Variants in ZFAND4 observed in about 807,000 individuals in gnomAD.
The protein encoded by ZFAND4 is zinc finger AN1-type containing 4.
In ZFAND4, 43 loss-of-function variants were observed where a neutral mutation model predicts 64.4. The observed-to-expected ratio is 0.67, with a 90% CI of 0.52 to 0.86. ZFAND4 has a LOEUF of 0.86. Ranked by LOEUF, ZFAND4 falls within the 40% of genes least tolerant of loss-of-function variation. The pLI is 0.00. For synonymous variants in ZFAND4, 296 were observed against 305.7 expected, an observed-to-expected ratio of 0.97 and a Z score of 0.33; for missense variants, 929 against 859.8, an observed-to-expected ratio of 1.08 and a Z score of -1.01.
At chr10:45,624,684 T>C (rs1384904147) in intron 7 of ZFAND4, 47 bp from the exon 8 acceptor site, 1 of 1,478,880 alleles carries the variant, frequency 6.8e-7, no homozygotes, top group East Asian at 2.3e-5. Context: ...CAATGAAGAA[T>C]AGAAATGATC....
chr10:45,663,080 GTAAGCCAAAGACT>G, intron 2 of ZFAND4, among the ~76,000 whole-genome samples: 2 of 150,082 alleles, frequency 1.3e-5, no homozygotes, highest in East Asian at 3.9e-4. Context: ...ATACGTAAAT[GTAAGCCAAAGACT>G]CTTTTCGGAA....
rs144467658 is a variant in ZFAND4, at chr10:45,660,085, C to T, written c.184+3457G>A. ...GCTGAGGCAGGAGAATGGCGTGAAC[C>T]CAGGAGGCAGAGCTTGCAGTGAGCC... is the stretch of plus-strand genomic sequence containing the variant. On this transcript the variant is annotated intron_variant, in intron 2 of 9. Transcript: ENST00000344646. Among the ~76,000 whole-genome samples the T allele has an allele frequency of 8.7e-3, 1,321 of 151,056 alleles. 25 individuals are homozygous for T. The highest frequency in any genetic ancestry group is 0.031 in the African/African-American group (1,259 of 41,098).
intron 4 of ZFAND4, chr10:45,651,303 G>C: frequency 4.5e-6 from 1 of 220,824 alleles, no homozygotes; most frequent in Non-Finnish European, 9.4e-6. Flanking sequence ...TCTTTTTCGA[G>C]GGCCCTTCCT....
intron 4 of ZFAND4, chr10:45,651,700 T>G: frequency 1.8e-6 from 1 of 554,624 alleles, no homozygotes; most frequent in Non-Finnish European, 3.5e-6. Context: ...AGTATGTCAT[T>G]CCATTTCTGT....
At chr10:45,640,889 C>A (rs1475133484) in intron 5 of ZFAND4, among the ~76,000 whole-genome samples, 1 of 152,120 alleles carries the variant, frequency 6.6e-6, no homozygotes, top group East Asian at 1.9e-4. Flanking sequence ...AAAAACACAT[C>A]CAGTCAAGTC....
At chr10:45,653,404 A>T (rs1280528440) in intron 2 of ZFAND4, among the ~76,000 whole-genome samples, 1 of 152,236 alleles carries the variant, frequency 6.6e-6, no homozygotes, top group Non-Finnish European at 1.5e-5. Context: ...GAATGGGAGA[A>T]CATATTCACA....
At chr10:45,663,516 T>A in intron 2 of ZFAND4, 26 bp downstream of exon 2, 1 of 1,536,224 alleles carries the variant, frequency 6.5e-7, no homozygotes, top group Non-Finnish European at 8.8e-7. Flanking sequence ...AATTTTCATA[T>A]CCTAAAAACA....
intron 4 of ZFAND4, among the ~76,000 whole-genome samples, 154 bp from the exon 5 acceptor site, chr10:45,648,688 A>G (rs76232026): frequency 0.06 from 9,100 of 152,268 alleles, 394 homozygotes; most frequent in African/African-American, 0.12. Flanking sequence ...TCTTTCTACA[A>G]TTAATATAGC....
chr10:45,642,179 CTGTGGCATTTTAAGTATCTTTACTGAA>C (rs2047046551), intron 5 of ZFAND4, among the ~76,000 whole-genome samples: 1 of 152,190 alleles, frequency 6.6e-6, no homozygotes, highest in Non-Finnish European at 1.5e-5. Context: ...CTGAGTTACT[CTGTGGCATTTTAAGTATCTTTACTGAA>C]TACTGAAAGA....
At chr10:45,653,260 T>C (rs1478491956) in intron 2 of ZFAND4, among the ~76,000 whole-genome samples, 4 of 152,172 alleles carry the variant, frequency 2.6e-5, no homozygotes, top group Admixed American at 1.3e-4. Flanking sequence ...CCATTCACTG[T>C]AGAAAAGAAC....
chr10:45,626,453 G>A lies in ZFAND4; in HGVS notation c.1370C>T (p.Ser457Leu). 3.7e-6 allele frequency: 6 copies of A among 1,613,608 alleles called. No individual in the cohort carries two copies. Among genetic ancestry groups the A allele is most frequent in the Non-Finnish European group, 5.1e-6 (6 of 1,180,030 alleles). Residue 457 changes from serine to leucine, a missense_variant, in exon 7 of 10, where the codon TCA becomes TTA. By Grantham distance (145) the Ser-to-Leu change is moderately radical. Coordinates refer to ENST00000344646, the MANE Select transcript of ZFAND4 (RefSeq NM_174890.4). ...GVLNGESVETSVLNYRELSPH... is the reference protein window; with the variant it reads ...GVLNGESVETLVLNYRELSPH... ...ACTTAATTCCCGGTAGTTAAGAACT[G>A]AAGTCTCTACTGATTCCCCATTCAG...
chr10:45,657,693 C>T (rs976104960), intron 2 of ZFAND4, among the ~76,000 whole-genome samples: 1 of 152,150 alleles, frequency 6.6e-6, no homozygotes, highest in Non-Finnish European at 1.5e-5. Flanking sequence ...ACCCAGATGT[C>T]CCTCAACTTG....
chr10:45,662,464 A>C (rs2048543721), intron 2 of ZFAND4: 1 of 357,462 alleles, frequency 2.8e-6, no homozygotes, highest in African/African-American at 2.2e-5. Flanking sequence ...AAGTACAGAG[A>C]TTATTTACAA....
At position 45,663,832 on chromosome 10, in the gene ZFAND4, G is replaced by C. The variant is rs1462330347; in HGVS notation, c.-107C>G. The stretch of plus-strand genomic sequence containing the variant: ...TAATATATATTGTTGTTCATGTTTT[G>C]AGTTTTGTACCTAAAAAAACAAGAA... On this transcript the variant is annotated 5_prime_UTR_variant, in exon 2 of 10. Transcript: ENST00000344646. 9.0e-6 allele frequency: 9 copies of C among 996,642 alleles called. No homozygotes were observed. In the South Asian group the frequency reaches 1.7e-4, roughly 19 times the overall value. The allele number at this position is 996,642 out of a possible 1,614,324, so 61.7% of individuals were successfully genotyped here.
At chr10:45,664,887 C>A (rs903876520) in intron 1 of ZFAND4, among the ~76,000 whole-genome samples, 2 of 151,928 alleles carry the variant, frequency 1.3e-5, no homozygotes, top group Admixed American at 1.3e-4. Flanking sequence ...GCCGAGATTG[C>A]GCCACAACAC....
intron 2 of ZFAND4, among the ~76,000 whole-genome samples, chr10:45,657,718 T>C (rs950724635): frequency 6.6e-6 from 1 of 152,182 alleles, no homozygotes; most frequent in African/African-American, 2.4e-5. Context: ...TGAGTAACTA[T>C]GGTACTTCCT....
At chr10:45,647,478 G>A (rs2047468696) in intron 5 of ZFAND4, among the ~76,000 whole-genome samples, 1 of 144,988 alleles carries the variant, frequency 6.9e-6, no homozygotes, top group Non-Finnish European at 1.5e-5. Flanking sequence ...TTTGCAGGAT[G>A]TGTAACACCT....
At chr10:45,624,539 T>C (rs778778608) in intron 8 of ZFAND4, 44 bp downstream of exon 8, 5 of 1,577,368 alleles carry the variant, frequency 3.2e-6, no homozygotes, top group Non-Finnish European at 4.4e-6. Flanking sequence ...CATAATTATG[T>C]AATTATCAGC....
At chr10:45,630,176 G>C (rs749871642) in intron 6 of ZFAND4, among the ~76,000 whole-genome samples, 9 of 152,024 alleles carry the variant, frequency 5.9e-5, no homozygotes, top group Admixed American at 3.3e-4. Flanking sequence ...CTAAAACAAT[G>C]AAACAAAAGA....
Sources: allele counts gnomAD v4.1 joint callset (sites outside exome capture counted in the v4.1 genomes callset), GRCh38; gene constraint gnomAD v4.1.1; transcripts MANE v1.5; gene names NCBI Gene and HGNC (gene_info 2026-07-23, HGNC 2026-07-21).